ZNF618: variants seen among roughly 807,000 people sequenced by gnomAD.
ZNF618 encodes the protein zinc finger protein 618.
ZNF618 carries 34 observed loss-of-function variants against 103.0 expected under a neutral mutation model. That is an observed-to-expected ratio of 0.33 (90% CI 0.25 to 0.44). The LOEUF is 0.44. Ranked by LOEUF, ZNF618 falls within the 20% of genes least tolerant of loss-of-function variation. The probability of loss-of-function intolerance (pLI) is 1.00; values close to 1 mark genes in which losing one functional copy is unlikely to be tolerated. For synonymous variants in ZNF618, 551 were observed against 542.2 expected, an observed-to-expected ratio of 1.02 and a Z score of -0.23; for missense variants, 1,059 against 1,295.4, an observed-to-expected ratio of 0.82 and a Z score of 2.80.
chr9:113,908,893 T>A (rs1831241610), intron 1 of ZNF618, among the ~76,000 whole-genome samples: 1 of 151,804 alleles, frequency 6.6e-6, no homozygotes, highest in South Asian at 2.1e-4. Context: ...TGATCATCTT[T>A]CCTGCCTCTG....
chr9:113,938,435 C>T (rs1834227793), intron 1 of ZNF618, among the ~76,000 whole-genome samples: 1 of 152,000 alleles, frequency 6.6e-6, no homozygotes. Context: ...CCCTTGTTGG[C>T]TGCCTCAAAG....
intron 1 of ZNF618, among the ~76,000 whole-genome samples, chr9:113,952,468 C>G (rs1383093451): frequency 6.6e-6 from 1 of 152,178 alleles, no homozygotes; most frequent in Non-Finnish European, 1.5e-5. Flanking sequence ...CTAACTCTGA[C>G]TGTGACTCTG....
At chr9:113,916,913 C>T (rs947443169) in intron 1 of ZNF618, among the ~76,000 whole-genome samples, 36 of 152,202 alleles carry the variant, frequency 2.4e-4, no homozygotes, top group African/African-American at 8.4e-4. Flanking sequence ...GAAATTTAAA[C>T]TTTATTTACT....
intron 10 of ZNF618, among the ~76,000 whole-genome samples, chr9:114,019,959 G>A (rs774417481): frequency 5.3e-5 from 8 of 152,050 alleles, no homozygotes; most frequent in Non-Finnish European, 1.0e-4. Flanking sequence ...TTATCTTTTA[G>A]AAGCCTTGTA....
At chr9:113,883,996 C>CCCG (rs1828798863) in intron 1 of ZNF618, among the ~76,000 whole-genome samples, 1 of 49,870 alleles carries the variant, frequency 2.0e-5, no homozygotes, top group African/African-American at 6.0e-5. Context: ...CCCCCCCCCC[C>CCCG]CCCCCCGCCC....
intron 2 of ZNF618, among the ~76,000 whole-genome samples, chr9:113,971,013 G>C (rs1209457318): frequency 6.7e-6 from 1 of 148,722 alleles, no homozygotes; most frequent in Non-Finnish European, 1.5e-5. Flanking sequence ...TGGGAGAGGA[G>C]CAGGTAGAGC....
chr9:113,998,865 G>A (rs1267310029), intron 4 of ZNF618, among the ~76,000 whole-genome samples: 3 of 152,222 alleles, frequency 2.0e-5, no homozygotes, highest in East Asian at 3.9e-4. Context: ...AATAAACTTC[G>A]GAAAATGCTG....
intron 1 of ZNF618, among the ~76,000 whole-genome samples, chr9:113,929,001 T>C (rs535691905): frequency 6.6e-6 from 1 of 152,258 alleles, no homozygotes; most frequent in African/African-American, 2.4e-5. Flanking sequence ...AGGCCTTTGC[T>C]CTGGAGAACA....
intron 1 of ZNF618, among the ~76,000 whole-genome samples, chr9:113,961,392 G>A (rs1167095841): frequency 6.6e-6 from 1 of 152,198 alleles, no homozygotes; most frequent in Non-Finnish European, 1.5e-5. Flanking sequence ...TGGTATTTGG[G>A]CGAATGAATA....
chr9:114,051,883 CCT>C lies in ZNF618; in HGVS notation c.*1720_*1721del, dbSNP rs964301624. On this transcript the variant is annotated 3_prime_UTR_variant, in exon 15 of 15. Coordinates refer to ENST00000374126, the MANE Select transcript of ZNF618 (RefSeq NM_001318042.2). ...AAATCAGCACTCCACCCCCACCACA[CCT>C]CTCAGTGAATGAAGTGCTGGTGGTC... 1.3e-5 allele frequency: 2 copies of C among 152,318 alleles called. No individual in the cohort carries two copies. Among genetic ancestry groups the C allele is most frequent in the Non-Finnish European group, 2.9e-5 (2 of 68,102 alleles). 9.4% of individuals were successfully genotyped at this position (152,318 alleles called of 1,614,324 possible). A position where few individuals can be genotyped will look rare whatever the true frequency, so the allele number is the denominator to read the frequency against.
intron 13 of ZNF618, among the ~76,000 whole-genome samples, chr9:114,045,116 A>G (rs151111333): frequency 6.6e-6 from 1 of 152,174 alleles, no homozygotes; most frequent in African/African-American, 2.4e-5. Flanking sequence ...CAAGATCCCT[A>G]TAGATAGATT....
At chr9:114,029,984 T>C (rs539549950) in intron 11 of ZNF618, among the ~76,000 whole-genome samples, 1 of 152,330 alleles carries the variant, frequency 6.6e-6, no homozygotes, top group Non-Finnish European at 1.5e-5. Context: ...TTGTGGGTTG[T>C]AGGGCAGAGT....
chr9:114,008,677 C>T (rs772750637), intron 9 of ZNF618, 123 bp downstream of exon 9: 2 of 1,138,744 alleles, frequency 1.8e-6, no homozygotes, highest in Non-Finnish European at 2.6e-6. Flanking sequence ...GCAATGGTGC[C>T]CAACCTGTCA....
intron 2 of ZNF618, among the ~76,000 whole-genome samples, chr9:113,979,629 G>A (rs1289608051): frequency 2.6e-5 from 4 of 152,228 alleles, no homozygotes; most frequent in Admixed American, 2.0e-4. Flanking sequence ...CTGGATCAGA[G>A]GCTACAGGTG....
intron 13 of ZNF618, among the ~76,000 whole-genome samples, chr9:114,046,077 C>T (rs1387700079): frequency 6.6e-6 from 1 of 152,056 alleles, no homozygotes; most frequent in East Asian, 1.9e-4. Context: ...TTGTATCCTG[C>T]ACCCTCGCTG....
In ZNF618 at chr9:114,048,950, G is replaced by A; in HGVS notation, c.1648G>A (p.Gly550Ser). The A allele has an allele frequency of 1.2e-6, 2 of 1,609,466 alleles. No individual in the cohort carries two copies. Among genetic ancestry groups the A allele is most frequent in the South Asian group, 1.1e-5 (1 of 90,470 alleles). The change falls in exon 15 of 15, where the codon GGT becomes AGT. Residue 550 changes from glycine (G) to serine (S), a missense_variant. Physicochemically the swap from Gly to Ser is moderately conservative, Grantham distance 56 (BLOSUM62 0). Transcript: ENST00000374126. ...GGGCAGCAATGCCTGCCTAGGCATCGGTGTCACCTGCCACTCCCAGAGTGT... is the reference window on the plus strand; with the variant it reads ...GGGCAGCAATGCCTGCCTAGGCATCAGTGTCACCTGCCACTCCCAGAGTGT... ...ALGSNACLGI[G>S]VTCHSQSVGP...
chr9:113,911,902 C>T (rs1156606318), intron 1 of ZNF618, among the ~76,000 whole-genome samples: 1 of 152,118 alleles, frequency 6.6e-6, no homozygotes, highest in Non-Finnish European at 1.5e-5. Flanking sequence ...TAGATTGTTT[C>T]TCAGACTTTT....
rs1842929592 is a variant in ZNF618 at position 114,019,822 on chromosome 9, T to G, written c.844+3038T>G. ...CCAGTTGATTTTCATACAGCATCAT[T>G]TGATGAACAGATGTCTTTCATTTTG... On this transcript the variant is annotated intron_variant, in intron 10 of 14. Coordinates refer to ENST00000374126, the MANE Select transcript of ZNF618 (RefSeq NM_001318042.2). Among the ~76,000 whole-genome samples the G allele has an allele frequency of 3.9e-5, 6 of 152,334 alleles. No homozygotes were observed. The South Asian group carries it at 1.2e-3, about 32-fold the overall frequency.
rs202066205 is a variant in ZNF618, at chr9:114,008,335, C to T, written c.641-9C>T. On this transcript the variant is annotated splice_polypyrimidine_tract_variant and intron_variant, in intron 7 of 14. Coordinates refer to ENST00000374126, the MANE Select transcript of ZNF618 (RefSeq NM_001318042.2). ...CCTTCTGCGGCTGCCGCCTCCTGCC[C>T]GGGCGCAGTGTTTAGTGTGGAAGGG... 113 of 1,613,490 alleles carry T rather than the reference C, an allele frequency of 7.0e-5. No homozygotes were observed. Among genetic ancestry groups the T allele is most frequent in the Middle Eastern group, 3.5e-4 (2 of 5,670 alleles).
Sources: gnomAD v4.1 joint callset for allele counts (sites outside exome capture counted in the v4.1 genomes callset) on GRCh38, gnomAD v4.1.1 for gene constraint, MANE v1.5 for transcripts, NCBI Gene and HGNC (gene_info 2026-07-23, HGNC 2026-07-21) for gene names.